The following PPARGC1A variants were observed in gnomAD, a reference collection of about 807,000 sequenced individuals.
PPARGC1A encodes the protein peroxisome proliferator-activated receptor gamma coactivator 1-alpha.
A neutral mutation model predicts 88.7 loss-of-function variants in PPARGC1A; 25 were observed. The ratio of observed to expected loss-of-function variants is 0.28; its 90% CI spans 0.21 to 0.39. The LOEUF (loss-of-function observed/expected upper bound fraction) is 0.39. Ranked by LOEUF, PPARGC1A falls within the 10% of genes least tolerant of loss-of-function variation. The pLI, the probability that PPARGC1A is intolerant of heterozygous loss-of-function variation, is 1.00. For synonymous variants in PPARGC1A, 363 were observed against 355.6 expected (o/e 1.02, Z -0.24); for missense variants, 880 against 968.7 (o/e 0.91, Z 1.22).
the PPARGC1A span, among the ~76,000 whole-genome samples, chr4:23,965,131 T>C: frequency 6.6e-6 from 1 of 152,192 alleles, no homozygotes; most frequent in Non-Finnish European, 1.5e-5. Context: ...ACCCATTTCC[T>C]TCTTCATCTC....
chr4:24,115,498 T>C, the PPARGC1A span, among the ~76,000 whole-genome samples: 1 of 152,240 alleles, frequency 6.6e-6, no homozygotes, highest in East Asian at 1.9e-4. Flanking sequence ...AAAACAGACA[T>C]CTCAATTTCA....
At chr4:24,013,189 T>C in the PPARGC1A span, among the ~76,000 whole-genome samples, 1 of 152,216 alleles carries the variant, frequency 6.6e-6, no homozygotes, top group African/African-American at 2.4e-5. Flanking sequence ...GTATCACAAA[T>C]TCTAAATTAG....
At chr4:23,844,633 TA>T (rs2148626989) in intron 2 of PPARGC1A, among the ~76,000 whole-genome samples, 1 of 44,716 alleles carries the variant, frequency 2.2e-5, no homozygotes, top group African/African-American at 1.2e-4. Context: ...TAATATATAA[TA>T]ATATATATCA....
chr4:24,109,298 T>TACACACACAC, the PPARGC1A span, among the ~76,000 whole-genome samples: 88 of 131,872 alleles, frequency 6.7e-4, 1 homozygote, highest in East Asian at 2.8e-3. Flanking sequence ...CATTTCATTA[T>TACACACACAC]ACACACACAC....
the PPARGC1A span, among the ~76,000 whole-genome samples, chr4:23,988,554 C>A: frequency 6.6e-6 from 1 of 151,924 alleles, no homozygotes; most frequent in Non-Finnish European, 1.5e-5. Flanking sequence ...CTCAAACAAA[C>A]CTTTGAAAAA....
chr4:24,100,220 G>A, the PPARGC1A span, among the ~76,000 whole-genome samples: 1 of 151,840 alleles, frequency 6.6e-6, no homozygotes, highest in African/African-American at 2.4e-5. Flanking sequence ...AGAAGCAATG[G>A]GCTACGGACA....
At chr4:24,337,203 C>T in the PPARGC1A span, among the ~76,000 whole-genome samples, 1 of 152,174 alleles carries the variant, frequency 6.6e-6, no homozygotes, top group Non-Finnish European at 1.5e-5. Flanking sequence ...AAATTGGGAG[C>T]CCATCTTTCC....
the PPARGC1A span, among the ~76,000 whole-genome samples, chr4:24,408,234 G>A: frequency 6.6e-6 from 1 of 151,420 alleles, no homozygotes; most frequent in African/African-American, 2.4e-5. Flanking sequence ...CTACTCTGCT[G>A]CTTCAACACG....
chr4:24,052,367 T>G, the PPARGC1A span, among the ~76,000 whole-genome samples: 1 of 152,172 alleles, frequency 6.6e-6, no homozygotes, highest in South Asian at 2.1e-4. Context: ...CCGGTCATGG[T>G]GGTTCACACC....
chr4:24,066,853 T>TG, the PPARGC1A span, among the ~76,000 whole-genome samples: 1 of 79,768 alleles, frequency 1.3e-5, no homozygotes, highest in African/African-American at 4.3e-5. Context: ...TTTTGGGTTT[T>TG]TTTTTTTTTT....
At chr4:23,921,957 C>G in the PPARGC1A span, among the ~76,000 whole-genome samples, 1 of 152,142 alleles carries the variant, frequency 6.6e-6, no homozygotes, top group Admixed American at 6.5e-5. Context: ...GAGAATAATA[C>G]CATTCATTCA....
At chr4:24,067,414 A>C in the PPARGC1A span, among the ~76,000 whole-genome samples, 1 of 152,216 alleles carries the variant, frequency 6.6e-6, no homozygotes, top group Admixed American at 6.5e-5. Flanking sequence ...AATGCCCCCA[A>C]AGGGACGCCT....
chr4:24,360,431 C>T, the PPARGC1A span, among the ~76,000 whole-genome samples: 2 of 152,244 alleles, frequency 1.3e-5, no homozygotes, highest in East Asian at 1.9e-4. Context: ...CCAGATAGCA[C>T]CACTCCCTCA....
chr4:24,155,206 T>C, the PPARGC1A span, among the ~76,000 whole-genome samples: 2 of 151,944 alleles, frequency 1.3e-5, no homozygotes, highest in Non-Finnish European at 2.9e-5. Flanking sequence ...GTATTTTAAA[T>C]GTCTAGCAAA....
the PPARGC1A span, among the ~76,000 whole-genome samples, chr4:24,128,563 TGTGTGTGTGTGTGTGTGC>T: frequency 6.6e-6 from 1 of 150,738 alleles, no homozygotes; most frequent in African/African-American, 2.5e-5. Flanking sequence ...TGTGTGTGTG[TGTGTGTGTGTGTGTGTGC>T]ACGCGCATCT....
At chr4:24,188,609 C>A in the PPARGC1A span, among the ~76,000 whole-genome samples, 11 of 152,130 alleles carry the variant, frequency 7.2e-5, no homozygotes, top group Admixed American at 4.6e-4. Context: ...CACCTTGCAC[C>A]CATAAGGATG....
At chr4:23,813,324 G>A (rs940127880) in intron 8 of PPARGC1A, among the ~76,000 whole-genome samples, 199 bp from the exon 9 acceptor site, 9 of 152,224 alleles carry the variant, frequency 5.9e-5, no homozygotes, top group East Asian at 1.9e-4. Flanking sequence ...CTCTCTCAGC[G>A]TCTCTTATTG....
At chr4:24,420,440 A>T in the PPARGC1A span, among the ~76,000 whole-genome samples, 1 of 152,178 alleles carries the variant, frequency 6.6e-6, no homozygotes. Context: ...ATAGCTACAT[A>T]AATAGGCTAA....
chr4:23,920,346 T>A, the PPARGC1A span, among the ~76,000 whole-genome samples: 1 of 152,186 alleles, frequency 6.6e-6, no homozygotes, highest in Non-Finnish European at 1.5e-5. Context: ...CTGCTACAAC[T>A]TGATCTATCT....
Sources: allele counts gnomAD v4.1 joint callset (sites outside exome capture counted in the v4.1 genomes callset), GRCh38; gene constraint gnomAD v4.1.1; transcripts MANE v1.5; gene names NCBI Gene and HGNC (gene_info 2026-07-23, HGNC 2026-07-21).